Variants in NCAM1 observed in about 807,000 individuals in gnomAD.
The protein encoded by NCAM1 is antigen recognized by monoclonal antibody 5.1H11.
Under a neutral mutation model 109.8 loss-of-function variants are expected in NCAM1, and 14 were observed. The ratio of observed to expected loss-of-function variants is 0.13; its 90% confidence interval spans 0.08 to 0.20. The LOEUF (loss-of-function observed/expected upper bound fraction) is 0.20. Ranked by LOEUF, NCAM1 falls within the 10% of genes least tolerant of loss-of-function variation. NCAM1 has a pLI of 1.00. For synonymous variants in NCAM1, 418 were observed against 442.9 expected, an observed-to-expected ratio of 0.94 and a Z score of 0.70; for missense variants, 774 against 1,109.9, an observed-to-expected ratio of 0.70 and a Z score of 4.30.
chr11:113,166,989 C>T (rs1217700916), intron 1 of NCAM1, among the ~76,000 whole-genome samples: 2 of 152,330 alleles, frequency 1.3e-5, no homozygotes, highest in Admixed American at 6.5e-5. Context: ...AATTTGATTT[C>T]TGGCTCTTTG....
chr11:113,248,753 G>A (rs1269022514), intron 15 of NCAM1, among the ~76,000 whole-genome samples: 1 of 152,174 alleles, frequency 6.6e-6, no homozygotes, highest in African/African-American at 2.4e-5. Context: ...GAAGTGTGGC[G>A]ACTCAGAAGG....
At chr11:113,057,419 A>G (rs1953750080) in intron 1 of NCAM1, among the ~76,000 whole-genome samples, 1 of 152,066 alleles carries the variant, frequency 6.6e-6, no homozygotes, top group Admixed American at 6.6e-5. Context: ...ACTTGGGCTT[A>G]TCCTATAGGC....
intron 14 of NCAM1, among the ~76,000 whole-genome samples, chr11:113,236,689 C>T (rs767771459): frequency 5.9e-4 from 90 of 152,176 alleles, no homozygotes; most frequent in Non-Finnish European, 1.2e-3. Context: ...AGCCAGGATG[C>T]CGGGAAAGTG....
At chr11:113,121,952 A>G (rs1166882161) in intron 1 of NCAM1, among the ~76,000 whole-genome samples, 1 of 152,204 alleles carries the variant, frequency 6.6e-6, no homozygotes, top group African/African-American at 2.4e-5. Flanking sequence ...CTTTGCACTG[A>G]TTCCTGTCTC....
chr11:113,264,414 A>G, intron 17 of NCAM1: 1 of 985,428 alleles, frequency 1.0e-6, no homozygotes, highest in Non-Finnish European at 1.2e-6. Flanking sequence ...CATGCTGCAC[A>G]GTAGCTCAGG....
In NCAM1 at chr11:113,276,636, G is replaced by A. The variant is rs1946402861; in HGVS notation, c.*1249G>A. On this transcript the variant is annotated 3_prime_UTR_variant, in exon 20 of 20. Coordinates refer to ENST00000316851, the MANE Select transcript of NCAM1 (RefSeq NM_181351.5). ...GCCCAGAATCTAGATTTGAGCGGAA[G>A]AGCATGTGTGCTTCAGGGAATTAGT... is the stretch of plus-strand genomic sequence containing the variant. 1 of 152,658 alleles carries A rather than the reference G, an allele frequency of 6.6e-6. No individual in the cohort carries two copies. The allele number at this position is 152,658 out of a possible 1,614,324, so 9.5% of individuals were successfully genotyped here.
chr11:112,978,586 C>G (rs1470552544), intron 1 of NCAM1, among the ~76,000 whole-genome samples: 1 of 151,816 alleles, frequency 6.6e-6, no homozygotes, highest in Non-Finnish European at 1.5e-5. Flanking sequence ...TTCATGAAAG[C>G]TTTTCCTGAT....
chr11:113,250,737 G>A (rs1565529747), intron 15 of NCAM1, among the ~76,000 whole-genome samples: 2 of 152,208 alleles, frequency 1.3e-5, no homozygotes, highest in Non-Finnish European at 2.9e-5. Flanking sequence ...GAAACTTTGT[G>A]CAGATCTCTA....
chr11:112,961,622 A>C lies in NCAM1; in HGVS notation c.10A>C (p.Thr4Pro). MLQTKDLIWTLFFL... is the reference protein window; with the variant it reads MLQPKDLIWTLFFL... ...CAGCCAGCAGATTACAATGCTGCAA[A>C]CTAAGGATCTCATCTGGACTTTGTT... Residue 4 changes from threonine (T) to proline (P), a missense_variant, in exon 1 of 20, where the codon ACT becomes CCT. Transcript: ENST00000316851. 1 of 1,497,730 alleles carries C rather than the reference A, an allele frequency of 6.7e-7. No individual in the cohort carries two copies. Among genetic ancestry groups the C allele is most frequent in the South Asian group, 1.1e-5 (1 of 87,336 alleles). 92.8% of individuals were successfully genotyped at this position (1,497,730 alleles called of 1,614,324 possible). A position where few individuals can be genotyped will look rare whatever the true frequency, so the allele number is the denominator to read the frequency against.
intron 17 of NCAM1, chr11:113,262,901 A>G: frequency 1.2e-6 from 2 of 1,613,928 alleles, no homozygotes; most frequent in Non-Finnish European, 8.5e-7. Context: ...TTTTCTCTGC[A>G]GTGACTCTTC....
chr11:113,163,866 G>A (rs558363522), intron 1 of NCAM1, among the ~76,000 whole-genome samples: 1 of 152,276 alleles, frequency 6.6e-6, no homozygotes, highest in East Asian at 1.9e-4. Flanking sequence ...CCTAGAGTAT[G>A]CAGTGAAGGG....
chr11:113,121,786 C>G (rs1021485265), intron 1 of NCAM1, among the ~76,000 whole-genome samples: 1 of 152,104 alleles, frequency 6.6e-6, no homozygotes, highest in Admixed American at 6.5e-5. Flanking sequence ...GGTGCCTATC[C>G]AGAGATTTTT....
chr11:113,260,477 A>G (rs781783076), intron 17 of NCAM1, 154 bp downstream of exon 17: 4 of 798,202 alleles, frequency 5.0e-6, no homozygotes, highest in Admixed American at 2.9e-5. Context: ...CCTTGTACCT[A>G]TCTGTGCAGT....
At chr11:113,109,714 A>C (rs1187722689) in intron 1 of NCAM1, among the ~76,000 whole-genome samples, 2 of 152,194 alleles carry the variant, frequency 1.3e-5, no homozygotes, top group Non-Finnish European at 2.9e-5. Flanking sequence ...TAGTGCAGGG[A>C]AACTGGGAAG....
chr11:113,264,229 T>A (rs951709493), intron 17 of NCAM1: 3 of 984,594 alleles, frequency 3.0e-6, no homozygotes, highest in Non-Finnish European at 3.6e-6. Context: ...CTTTTTGGTT[T>A]CTTTATGTAT....
chr11:113,232,647 A>C (rs1342596259), intron 11 of NCAM1, 71 bp from the exon 12 acceptor site: 36 of 1,221,538 alleles, frequency 2.9e-5, no homozygotes, highest in Non-Finnish European at 3.9e-5. Context: ...AACTTAATTC[A>C]GTAAATAAAG....
intron 1 of NCAM1, among the ~76,000 whole-genome samples, chr11:113,152,226 G>A (rs905210785): frequency 6.6e-6 from 1 of 152,226 alleles, no homozygotes; most frequent in Non-Finnish European, 1.5e-5. Flanking sequence ...CCCCATGTGT[G>A]GGGCATCACA....
intron 1 of NCAM1, among the ~76,000 whole-genome samples, chr11:113,074,839 C>T (rs1938455610): frequency 1.3e-5 from 2 of 152,106 alleles, no homozygotes; most frequent in Non-Finnish European, 2.9e-5. Flanking sequence ...ACCATGTTGG[C>T]CAGGCTGGTC....
At chr11:113,041,742 T>G (rs1953083149) in intron 1 of NCAM1, among the ~76,000 whole-genome samples, 1 of 152,160 alleles carries the variant, frequency 6.6e-6, no homozygotes, top group Non-Finnish European at 1.5e-5. Flanking sequence ...AACATCACCC[T>G]GAACCCCTCC....
Sources: allele counts gnomAD v4.1 joint callset (sites outside exome capture counted in the v4.1 genomes callset), GRCh38; gene constraint gnomAD v4.1.1; transcripts MANE v1.5; gene names NCBI Gene and HGNC (gene_info 2026-07-23, HGNC 2026-07-21).